DLG2: variants seen among roughly 807,000 people sequenced by gnomAD.
DLG2 encodes disks large homolog 2.
Under a neutral mutation model 132.5 loss-of-function variants are expected in DLG2, and 45 were observed. The observed-to-expected ratio is 0.34, with a 90% CI of 0.27 to 0.44. The LOEUF is 0.44. DLG2 is among the 20% of genes least tolerant of loss of function. DLG2 has a pLI of 1.00. For missense variants in DLG2, 1,045 were observed against 1,196.9 expected, an observed-to-expected ratio of 0.87 and a Z score of 1.87; for synonymous variants, 424 against 419.6, an observed-to-expected ratio of 1.01 and a Z score of -0.13.
chr11:84,013,377 T>A (rs1431603363), intron 11 of DLG2, among the ~76,000 whole-genome samples: 1 of 152,138 alleles, frequency 6.6e-6, no homozygotes, highest in African/African-American at 2.4e-5. Context: ...AAGTATCTAA[T>A]ATTGAGGAGC....
intron 6 of DLG2, among the ~76,000 whole-genome samples, chr11:85,082,688 A>G (rs2067388229): frequency 6.6e-6 from 1 of 151,692 alleles, no homozygotes; most frequent in Non-Finnish European, 1.5e-5. Context: ...TTTTTTTGAG[A>G]AAGGAACCAA....
intron 4 of DLG2, among the ~76,000 whole-genome samples, chr11:85,230,202 G>A (rs931620811): frequency 1.8e-4 from 28 of 151,906 alleles, no homozygotes; most frequent in Admixed American, 4.6e-4. Context: ...GATTACAAGT[G>A]ATGTTTTTTT....
chr11:85,607,410 A>T (rs2080649434), intron 2 of DLG2, among the ~76,000 whole-genome samples: 2 of 152,122 alleles, frequency 1.3e-5, no homozygotes, highest in African/African-American at 4.8e-5. Flanking sequence ...CATGAGTGAA[A>T]CTCAAAGTCA....
At chr11:84,591,990 A>G (rs1259679767) in intron 6 of DLG2, among the ~76,000 whole-genome samples, 1 of 152,122 alleles carries the variant, frequency 6.6e-6, no homozygotes. Flanking sequence ...AGTAGCTGGG[A>G]CCATAGGCAT....
At chr11:85,324,054 G>C (rs2081269416) in intron 3 of DLG2, among the ~76,000 whole-genome samples, 1 of 152,106 alleles carries the variant, frequency 6.6e-6, no homozygotes, top group South Asian at 2.1e-4. Flanking sequence ...TCTCACCTCA[G>C]AAACCATGGG....
intron 17 of DLG2, among the ~76,000 whole-genome samples, chr11:83,819,009 G>GAACA (rs1167674900): frequency 1.3e-5 from 2 of 152,070 alleles, no homozygotes; most frequent in African/African-American, 2.4e-5. Flanking sequence ...AGATGCTAAG[G>GAACA]AACACTTGCT....
At chr11:83,578,314 T>A (rs752304307) in intron 19 of DLG2, among the ~76,000 whole-genome samples, 3 of 151,642 alleles carry the variant, frequency 2.0e-5, no homozygotes, top group Non-Finnish European at 2.9e-5. Context: ...AATGGAGTTA[T>A]AACAATTATC....
chr11:84,390,654 C>T (rs549911394), intron 7 of DLG2, among the ~76,000 whole-genome samples: 1 of 152,234 alleles, frequency 6.6e-6, no homozygotes, highest in South Asian at 2.1e-4. Flanking sequence ...ATTATAGAGT[C>T]TGGTGATCAC....
chr11:84,804,805 C>G (rs1488866238), intron 6 of DLG2, among the ~76,000 whole-genome samples: 1 of 152,174 alleles, frequency 6.6e-6, no homozygotes, highest in Non-Finnish European at 1.5e-5. Flanking sequence ...GAGTTGTACC[C>G]TTGTCAGCCT....
At chr11:84,018,648 C>T (rs569300928) in intron 11 of DLG2, among the ~76,000 whole-genome samples, 28 of 151,982 alleles carry the variant, frequency 1.8e-4, no homozygotes, top group African/African-American at 6.0e-4. Flanking sequence ...ACCTCTAGAT[C>T]CAGCTGCCAT....
intron 9 of DLG2, among the ~76,000 whole-genome samples, chr11:84,125,212 T>G (rs1212804065): frequency 6.6e-6 from 1 of 152,116 alleles, no homozygotes; most frequent in Non-Finnish European, 1.5e-5. Flanking sequence ...CGTGCTAAAT[T>G]CCAGTATAGT....
intron 6 of DLG2, among the ~76,000 whole-genome samples, chr11:84,885,926 T>A (rs2088211997): frequency 1.3e-5 from 2 of 152,104 alleles, no homozygotes; most frequent in African/African-American, 2.4e-5. Context: ...ACTTGGAAAT[T>A]CAATTAAATA....
chr11:84,707,635 G>A (rs2059922166), intron 6 of DLG2, among the ~76,000 whole-genome samples: 1 of 151,786 alleles, frequency 6.6e-6, no homozygotes, highest in African/African-American at 2.4e-5. Context: ...GAGGAAAGAA[G>A]AGACCAATAT....
At chr11:85,481,955 G>A (rs536957765) in intron 3 of DLG2, among the ~76,000 whole-genome samples, 1 of 152,160 alleles carries the variant, frequency 6.6e-6, no homozygotes, top group Admixed American at 6.5e-5. Flanking sequence ...CAGGGTCCAG[G>A]TCTACAGAGC....
intron 18 of DLG2, among the ~76,000 whole-genome samples, chr11:83,743,354 C>T (rs767900288): frequency 4.6e-5 from 7 of 150,938 alleles, no homozygotes; most frequent in Non-Finnish European, 8.8e-5. Flanking sequence ...TTTTTCTATG[C>T]CCTAAGCACC....
chr11:83,483,452 C>T (rs972166665), intron 22 of DLG2, among the ~76,000 whole-genome samples: 2 of 152,056 alleles, frequency 1.3e-5, no homozygotes, highest in East Asian at 3.9e-4. Context: ...AAAAAACTTT[C>T]ACCCCAAACT....
Position 84,251,284 on chromosome 11 carries a change from G to A in DLG2, c.527C>T (p.Pro176Leu), listed in dbSNP as rs1331660700. The stretch of plus-strand genomic sequence containing the variant: ...ATCTGTGTTGACAATTATAGGAGCA[G>A]GACTGGCCTGAAAAAAGAAATAGAA... ...QSHISPLKASPAPIIVNTDTL... is the reference protein window; with the variant it reads ...QSHISPLKASLAPIIVNTDTL... The change falls in exon 8 of 28, where the codon CCT becomes CTT. Residue 176 changes from proline (P) to leucine (L), a missense_variant. This residue lies in a region of DLG2 where 277 missense variants were observed against 238.2 expected (regional missense o/e 1.16). Coordinates refer to ENST00000376104, the MANE Select transcript of DLG2 (RefSeq NM_001142699.3). 5.7e-6 allele frequency: 9 copies of A among 1,584,706 alleles called. No homozygotes were observed. Among genetic ancestry groups the A allele is most frequent in the Non-Finnish European group, 6.8e-6 (8 of 1,169,606 alleles).
At chr11:84,899,749 C>G (rs1338094236) in intron 6 of DLG2, among the ~76,000 whole-genome samples, 1 of 152,082 alleles carries the variant, frequency 6.6e-6, no homozygotes, top group South Asian at 2.1e-4. Context: ...AAAGAATTGT[C>G]TGTGTGTGCT....
chr11:85,418,520 C>G (rs2090044700), intron 3 of DLG2, among the ~76,000 whole-genome samples: 1 of 152,166 alleles, frequency 6.6e-6, no homozygotes, highest in Non-Finnish European at 1.5e-5. Flanking sequence ...TCTCATTGAT[C>G]TGTCTAATAT....
Sources: gnomAD v4.1 joint callset for allele counts (sites outside exome capture counted in the v4.1 genomes callset) on GRCh38, gnomAD v4.1.1 for gene constraint, gnomAD v4.1.1 regional missense constraint, MANE v1.5 for transcripts, NCBI Gene and HGNC (gene_info 2026-07-23, HGNC 2026-07-21) for gene names.